NR4A1: variants seen among roughly 807,000 people sequenced by gnomAD.
NR4A1 encodes nuclear receptor subfamily 4immunitygroup A member 1.
NR4A1 carries 24 observed loss-of-function variants against 47.5 expected under a neutral mutation model. That is an observed-to-expected ratio of 0.50 (90% CI 0.37 to 0.71). NR4A1 has a LOEUF of 0.71. Ranked by LOEUF, NR4A1 falls within the 30% of genes least tolerant of loss-of-function variation. NR4A1 has a pLI of 0.00. For synonymous variants in NR4A1, 353 were observed against 345.7 expected (o/e 1.02, Z -0.24); for missense variants, 669 against 788.6 (o/e 0.85, Z 1.82).
Position 52,055,209 on chromosome 12 carries a change from C to G in NR4A1, c.876+5C>G. ...GGCTGCAAGGGCTTCTTCAAGGTAC[C>G]GCGCAGCCCCAGGTGGGGCCTTTTG... On this transcript the variant is annotated splice_donor_5th_base_variant and intron_variant, in intron 2 of 6. Coordinates refer to ENST00000394825, the MANE Select transcript of NR4A1 (RefSeq NM_173157.3). 2 of 1,611,072 alleles carry G rather than the reference C, an allele frequency of 1.2e-6. No homozygotes were observed. The highest frequency in any genetic ancestry group is 1.7e-6 in the Non-Finnish European group (2 of 1,179,990).
At position 52,056,567 on chromosome 12, in the gene NR4A1, C is replaced by G. The variant is rs776935708; in HGVS notation, c.1080C>G (p.Ser360=). 1.2e-6 allele frequency: 2 copies of G among 1,613,766 alleles called. No homozygotes were observed. The highest frequency in any genetic ancestry group is 1.7e-6 in the Non-Finnish European group (2 of 1,179,864). ...AACCCAAGCAGCCCCCAGATGCCTC[C>G]CCTGCCAATCTCCTCACTTCCCTGG... The part of the protein sequence containing the change: ...PSKPKQPPDA[S]PANLLTSLVR... The change falls in exon 4 of 7, where the codon TCC becomes TCG. Residue 360 remains serine, a synonymous_variant. Transcript: ENST00000394825.
chr12:52,052,323 G>GAGAGAGAGAGAGAA lies in NR4A1; in HGVS notation c.-3+760_-3+761insGAGAGAGAAAGAGA, dbSNP rs146840622. On this transcript the variant is annotated intron_variant, in intron 1 of 6. Transcript: ENST00000394825. ...TGTGTGTGAGAGAGAGAGAGAGAGA[G>GAGAGAGAGAGAGAA]AGAGAAAGAGAGACAGAGGTGGAAA... Among the ~76,000 whole-genome samples the GAGAGAGAGAGAGAA allele has an allele frequency of 3.1e-3, 454 of 146,554 alleles. 1 individual carries two copies. Among genetic ancestry groups the GAGAGAGAGAGAGAA allele is most frequent in the Non-Finnish European group, 5.2e-3 (347 of 66,722 alleles).
At position 52,054,587 on chromosome 12, in the gene NR4A1, T is replaced by C; in HGVS notation, c.259T>C (p.Ser87Pro). Reference sequence around the variant, plus strand: ...CTCCTCAGCCTCCTCCTCGGCCTCCTCCACATCCTCGTCCTCAGCCACCTC... The same window carrying C: ...CTCCTCAGCCTCCTCCTCGGCCTCCCCCACATCCTCGTCCTCAGCCACCTC... ...PCSSASSSASSTSSSSATSPA... is the reference protein window; with the variant it reads ...PCSSASSSASPTSSSSATSPA... The change falls in exon 2 of 7, where the codon TCC becomes CCC. Residue 87 changes from serine (S) to proline (P), a missense_variant. Ser to Pro is a moderately conservative substitution (Grantham distance 74). Transcript: ENST00000394825. The C allele has an allele frequency of 6.2e-7, 1 of 1,614,102 alleles. No individual in the cohort carries two copies. Among genetic ancestry groups the C allele is most frequent in the East Asian group, 2.2e-5 (1 of 44,880 alleles).
rs1416070797 is a variant in NR4A1 at position 52,057,092 on chromosome 12, A to T, written c.1194A>T (p.Glu398Asp). 1 of 1,611,068 alleles carries T rather than the reference A, an allele frequency of 6.2e-7. No individual in the cohort carries two copies. The highest frequency in any genetic ancestry group is 1.3e-5 in the African/African-American group (1 of 75,000). ...TGGTGCTGCCCCACTTTGGGAAGGA[A>T]GATGCTGGGGATGTACAGCAGTTCT... is the stretch of plus-strand genomic sequence containing the variant. The part of the protein sequence containing the change: ...QELVLPHFGK[E>D]DAGDVQQFYD... Residue 398 changes from glutamate (E) to aspartate (D), a missense_variant, in exon 5 of 7, where the codon GAA (glutamate) becomes GAT (aspartate). By Grantham distance (45) the Glu-to-Asp change is conservative. Transcript: ENST00000394825.
At chr12:52,037,427 G>A in intron 1 of NR4A1, 1 of 986,090 alleles carries the variant, frequency 1.0e-6, no homozygotes, top group Non-Finnish European at 1.2e-6. Flanking sequence ...AGAGGCGAGC[G>A]GAGCCCGCGG....
At chr12:52,031,662 A>C (rs924631548) in intron 1 of NR4A1, among the ~76,000 whole-genome samples, 6 of 151,998 alleles carry the variant, frequency 3.9e-5, no homozygotes, top group Non-Finnish European at 8.8e-5. Context: ...ACAAATAAAA[A>C]AGCTACTTCC....
At chr12:52,038,747 A>C (rs765958030) in intron 1 of NR4A1, 4 of 764,802 alleles carry the variant, frequency 5.2e-6, no homozygotes, top group Non-Finnish European at 9.6e-6. Flanking sequence ...ATTCTAATTG[A>C]AGGTAACTGG....
Position 52,053,965 on chromosome 12 carries a change from C to T in NR4A1, c.-2-362C>T, listed in dbSNP as rs1355530395. 2.9e-5 allele frequency: 7 copies of T among 238,446 alleles called. No individual in the cohort carries two copies. The East Asian group carries it at 3.7e-4, about 12-fold the overall frequency. The allele number at this position is 238,446 out of a possible 1,614,324, so 14.8% of individuals were successfully genotyped here. The stretch of plus-strand genomic sequence containing the variant: ...CCACTCACCCTTCTCCCGGCCCCCA[C>T]CATGCCTTCCCCATGGGGGAGGGGC... On this transcript the variant is annotated intron_variant, in intron 1 of 6. Transcript: ENST00000394825.
chr12:52,032,834 C>T (rs1363995844), intron 1 of NR4A1, among the ~76,000 whole-genome samples: 2 of 152,120 alleles, frequency 1.3e-5, no homozygotes, highest in African/African-American at 4.8e-5. Flanking sequence ...GGTGCTCACC[C>T]TTAATTACAC....
At chr12:52,050,635 TTGGCCGAGCTTGGGCC>T (rs1379367410), upstream of NR4A1, among the ~76,000 whole-genome samples, 1 of 152,150 alleles carries the variant, frequency 6.6e-6, no homozygotes, top group Non-Finnish European at 1.5e-5. Context: ...GCCAGAGCTG[TTGGCCGAGCTTGGGCC>T]TGGCCAACGC....
At position 52,057,107 on chromosome 12, in the gene NR4A1, A is replaced by T. The variant is rs1244380198; in HGVS notation, c.1209A>T (p.Val403=). The change falls in exon 5 of 7, where the codon GTA becomes GTT. Residue 403 remains valine (V), a synonymous_variant. Transcript: ENST00000394825. ...TTGGGAAGGAAGATGCTGGGGATGT[A>T]CAGCAGTTCTACGACCTGCTCTCCG... ...PHFGKEDAGD[V]QQFYDLLSGS... The T allele has an allele frequency of 1.4e-5, 22 of 1,612,716 alleles. No individual in the cohort carries two copies. The highest frequency in any genetic ancestry group is 1.9e-5 in the Non-Finnish European group (22 of 1,179,474).
upstream of NR4A1, among the ~76,000 whole-genome samples, chr12:52,049,231 C>T (rs1293147284): frequency 6.6e-6 from 1 of 152,080 alleles, no homozygotes; most frequent in Non-Finnish European, 1.5e-5. Flanking sequence ...AAAAGTCGGC[C>T]CTCTGTATAT....
At chr12:52,052,530 G>T in intron 1 of NR4A1, 20 of 985,404 alleles carry the variant, frequency 2.0e-5, no homozygotes, top group Non-Finnish European at 2.3e-5. Flanking sequence ...CAGCAGAACA[G>T]GTGCAAGCCA....
At chr12:52,054,280 G>T (rs201762141) in intron 1 of NR4A1, 47 bp from the exon 2 acceptor site, 636 of 1,494,752 alleles carry the variant, frequency 4.3e-4, no homozygotes, top group Admixed American at 3.5e-3. Flanking sequence ...CTATAGGCTT[G>T]TCCCACTGAC....
chr12:52,057,659 C>T (rs372678622), intron 6 of NR4A1, 129 bp downstream of exon 6: 33 of 1,003,684 alleles, frequency 3.3e-5, no homozygotes, highest in South Asian at 2.3e-4. Flanking sequence ...TGCACTGCCC[C>T]GGGCTCATGC....
intron 2 of NR4A1, among the ~76,000 whole-genome samples, chr12:52,046,263 T>C (rs755420286): frequency 3.3e-5 from 5 of 152,190 alleles, no homozygotes; most frequent in South Asian, 2.1e-4. Flanking sequence ...TGGTGGACAT[T>C]GGCTGCTCAC....
intron 1 of NR4A1, among the ~76,000 whole-genome samples, chr12:52,023,506 C>A (rs998139904): frequency 6.6e-5 from 10 of 152,100 alleles, no homozygotes; most frequent in Non-Finnish European, 1.5e-4. Context: ...GAAGTCCTGG[C>A]GCCGTAGCGC....
intron 1 of NR4A1, chr12:52,038,119 C>T: frequency 1.1e-6 from 1 of 940,954 alleles, no homozygotes; most frequent in Non-Finnish European, 1.3e-6. Flanking sequence ...GGCTGGAGTG[C>T]AGTAGCGTGA....
In NR4A1 at chr12:52,057,365, G is replaced by A. The variant is rs1194516836; in HGVS notation, c.1375G>A (p.Glu459Lys). The A allele has an allele frequency of 4.3e-6, 7 of 1,614,068 alleles. No homozygotes were observed. The highest frequency in any genetic ancestry group is 1.7e-5 in the Admixed American group (1 of 60,006). Residue 459 changes from glutamate (E) to lysine (K), a missense_variant, in exon 6 of 7, where the codon GAG (glutamate) becomes AAG (lysine). By Grantham distance (56) the Glu-to-Lys change is moderately conservative. Coordinates refer to ENST00000394825, the MANE Select transcript of NR4A1 (RefSeq NM_173157.3). The stretch of plus-strand genomic sequence containing the variant: ...TCTGCCTGCCAGGTCTAAGCCAGGC[G>A]AGGGCAAGCTCATCTTCTGCTCAGG... ...LRLAYRSKPG[E>K]GKLIFCSGLV...
Sources: allele counts gnomAD v4.1 joint callset (sites outside exome capture counted in the v4.1 genomes callset), GRCh38; gene constraint gnomAD v4.1.1; transcripts MANE v1.5; gene names NCBI Gene and HGNC (gene_info 2026-07-23, HGNC 2026-07-21).